Variants in RBMS3 observed in about 807,000 individuals in gnomAD.
The protein encoded by RBMS3 is RNA-binding motif, single-stranded-interacting protein 3.
In RBMS3, 27 loss-of-function variants were observed where a neutral mutation model predicts 66.8. The observed-to-expected ratio is 0.40, with a 90% CI of 0.30 to 0.56. RBMS3 has a LOEUF of 0.56. Among genes scored for constraint, RBMS3 ranks in the 20% least tolerant of loss-of-function variants. The probability of loss-of-function intolerance (pLI) is 0.40; values close to 1 mark genes in which losing one functional copy is unlikely to be tolerated. For missense variants in RBMS3, 513 were observed against 549.5 expected, an observed-to-expected ratio of 0.93 and a Z score of 0.66; for synonymous variants, 188 against 183.0, an observed-to-expected ratio of 1.03 and a Z score of -0.22.
At chr3:29,664,724 A>G (rs1016256225) in intron 4 of RBMS3, among the ~76,000 whole-genome samples, 3 of 152,118 alleles carry the variant, frequency 2.0e-5, no homozygotes, top group Non-Finnish European at 4.4e-5. Context: ...ATAGGTATTA[A>G]AGAAAGAAGT....
intron 12 of RBMS3, among the ~76,000 whole-genome samples, chr3:29,946,623 G>A (rs926090230): frequency 6.6e-6 from 1 of 151,562 alleles, no homozygotes; most frequent in Admixed American, 6.6e-5. Flanking sequence ...AGAGAATCAA[G>A]AATCTAGAAA....
In RBMS3 at chr3:29,837,700, ATATATATG is replaced by A. The variant is rs1331271065; in HGVS notation, c.638-31157_638-31150del. 4.3e-3 allele frequency among the ~76,000 whole-genome samples: 500 copies of A among 115,978 alleles called. 5 individuals are homozygous for A. Among genetic ancestry groups the A allele is most frequent in the African/African-American group, 0.017 (481 of 27,928 alleles). 76.1% of individuals were successfully genotyped at this position (115,978 alleles called of 152,430 possible). A position where few individuals can be genotyped will look rare whatever the true frequency, so the allele number is the denominator to read the frequency against. ...TATATATATATATATATATATATATATATATATGCTTATTAGCTTAACTGTGAACCCTG... is the reference window on the plus strand; with the variant it reads ...TATATATATATATATATATATATATACTTATTAGCTTAACTGTGAACCCTG... On this transcript the variant is annotated intron_variant, in intron 6 of 14. Transcript: ENST00000383767.
At chr3:29,530,320 C>G (rs2045302174) in intron 3 of RBMS3, among the ~76,000 whole-genome samples, 1 of 151,994 alleles carries the variant, frequency 6.6e-6, no homozygotes, top group Admixed American at 6.6e-5. Context: ...ATAATATAAA[C>G]CAAATTTAGA....
chr3:29,994,456 T>C (rs1228577225), intron 14 of RBMS3, among the ~76,000 whole-genome samples: 7 of 152,216 alleles, frequency 4.6e-5, no homozygotes, highest in African/African-American at 7.2e-5. Flanking sequence ...CCTGCCTCTG[T>C]AGGCTCCACC....
intron 10 of RBMS3, among the ~76,000 whole-genome samples, chr3:29,913,971 T>G (rs990962462): frequency 6.6e-6 from 1 of 151,968 alleles, no homozygotes; most frequent in Non-Finnish European, 1.5e-5. Flanking sequence ...GTGTTTATAT[T>G]ATACATGGCA....
chr3:29,373,598 G>A (rs1266063075), intron 1 of RBMS3, among the ~76,000 whole-genome samples: 1 of 152,186 alleles, frequency 6.6e-6, no homozygotes, highest in African/African-American at 2.4e-5. Flanking sequence ...CAGTGGTTAA[G>A]GTCCTTATGA....
chr3:29,761,523 G>A (rs535614025), intron 5 of RBMS3, among the ~76,000 whole-genome samples: 5 of 151,934 alleles, frequency 3.3e-5, no homozygotes, highest in East Asian at 1.9e-4. Context: ...TAATTACTTC[G>A]CCAAAAGCCT....
intron 3 of RBMS3, among the ~76,000 whole-genome samples, chr3:29,513,900 A>T (rs1464789523): frequency 6.6e-6 from 1 of 152,180 alleles, no homozygotes; most frequent in Admixed American, 6.5e-5. Context: ...ATGTGGTCTC[A>T]AAATTCAACA....
intron 4 of RBMS3, among the ~76,000 whole-genome samples, chr3:29,654,310 CTTTAAGTAT>C (rs1211515417): frequency 6.6e-6 from 1 of 152,118 alleles, no homozygotes; most frequent in African/African-American, 2.4e-5. Context: ...TTAATACGTA[CTTTAAGTAT>C]TGGACTACAA....
intron 6 of RBMS3, among the ~76,000 whole-genome samples, chr3:29,840,402 G>T (rs973223767): frequency 1.3e-5 from 2 of 151,828 alleles, no homozygotes; most frequent in Non-Finnish European, 2.9e-5. Context: ...TTGTGAGAAG[G>T]GTGGGCTTAT....
At chr3:29,869,470 TACAC>T (rs563943463) in intron 7 of RBMS3, among the ~76,000 whole-genome samples, 4 of 151,202 alleles carry the variant, frequency 2.6e-5, no homozygotes, top group Admixed American at 6.6e-5. Context: ...TATATGTATA[TACAC>T]ACACACACAC....
At chr3:29,540,228 TA>T (rs1358357230) in intron 3 of RBMS3, among the ~76,000 whole-genome samples, 2 of 152,224 alleles carry the variant, frequency 1.3e-5, no homozygotes, top group Non-Finnish European at 2.9e-5. Flanking sequence ...AAAACAGTAA[TA>T]AGTGCTTCCC....
At chr3:29,318,670 C>T (rs1398916190) in intron 1 of RBMS3, among the ~76,000 whole-genome samples, 1 of 151,864 alleles carries the variant, frequency 6.6e-6, no homozygotes, top group African/African-American at 2.4e-5. Flanking sequence ...AGCTTCTTTC[C>T]TTTGACGTTT....
intron 10 of RBMS3, 107 bp from the exon 11 acceptor site, chr3:29,935,979 A>C: frequency 2.1e-6 from 2 of 939,258 alleles, no homozygotes; most frequent in Non-Finnish European, 3.2e-6. Context: ...TTAGTAAAAA[A>C]GTAAAAACAT....
intron 6 of RBMS3, among the ~76,000 whole-genome samples, chr3:29,833,936 A>T (rs1324321310): frequency 6.6e-6 from 1 of 152,100 alleles, no homozygotes; most frequent in African/African-American, 2.4e-5. Context: ...GCCAAGAAAA[A>T]AAACATGCTT....
intron 5 of RBMS3, among the ~76,000 whole-genome samples, chr3:29,761,358 TG>T (rs2055679642): frequency 6.6e-6 from 1 of 152,110 alleles, no homozygotes; most frequent in African/African-American, 2.4e-5. Context: ...TCTTCAAACT[TG>T]TTAAACAAGT....
intron 4 of RBMS3, among the ~76,000 whole-genome samples, chr3:29,595,397 TAAAAAAAAAA>T (rs551487113): frequency 1.0e-5 from 1 of 99,946 alleles, no homozygotes; most frequent in African/African-American, 3.6e-5. Context: ...AGAGTCAGTC[TAAAAAAAAAA>T]AAAAAAAAGA....
At chr3:29,406,248 C>T (rs2040012190) in intron 1 of RBMS3, among the ~76,000 whole-genome samples, 1 of 152,020 alleles carries the variant, frequency 6.6e-6, no homozygotes, top group Admixed American at 6.6e-5. Flanking sequence ...TGAGACTGAC[C>T]TTAAGATAAT....
intron 4 of RBMS3, among the ~76,000 whole-genome samples, chr3:29,603,710 A>T (rs999976565): frequency 6.6e-6 from 1 of 152,012 alleles, no homozygotes; most frequent in Non-Finnish European, 1.5e-5. Context: ...GTAAGATACA[A>T]TTCCAGACCT....
Sources: allele counts gnomAD v4.1 joint callset (sites outside exome capture counted in the v4.1 genomes callset), GRCh38; gene constraint gnomAD v4.1.1; transcripts MANE v1.5; gene names NCBI Gene and HGNC (gene_info 2026-07-23, HGNC 2026-07-21).